Variants in PTPRK observed in about 807,000 individuals in gnomAD.
The protein encoded by PTPRK is protein tyrosine phosphatase receptor type K.
A neutral mutation model predicts 178.0 loss-of-function variants in PTPRK; 75 were observed. The ratio of observed to expected loss-of-function variants is 0.42; its 90% CI spans 0.35 to 0.51. The LOEUF (loss-of-function observed/expected upper bound fraction) is 0.51, where lower values mean the gene tolerates loss of function less well. Among genes scored for constraint, PTPRK ranks in the 20% least tolerant of loss-of-function variants. PTPRK has a pLI of 0.02. For synonymous variants in PTPRK, 637 were observed against 620.6 expected, an observed-to-expected ratio of 1.03 and a Z score of -0.39; for missense variants, 1,441 against 1,797.8, an observed-to-expected ratio of 0.80 and a Z score of 3.59.
intron 2 of PTPRK, among the ~76,000 whole-genome samples, chr6:128,390,254 A>ATATATGTGTTT (rs1839367050): frequency 6.6e-6 from 1 of 152,150 alleles, no homozygotes; most frequent in Non-Finnish European, 1.5e-5. Flanking sequence ...ACAGCAGATA[A>ATATATGTGTTT]CATATGTGTT....
Position 128,472,261 on chromosome 6 carries a change from G to A in PTPRK, c.100+47998C>T, listed in dbSNP as rs149720863. The stretch of plus-strand genomic sequence containing the variant: ...TATTTGAATAGTGCCTCAGAAGCCC[G>A]GTTGTGTTGCTTCTGTTTATTCACA... On this transcript the variant is annotated intron_variant, in intron 1 of 29. Transcript: ENST00000368226. Among the ~76,000 whole-genome samples the A allele has an allele frequency of 8.9e-4, 135 of 152,120 alleles. 2 individuals carry two copies. The East Asian group carries it at 0.021, about 24-fold the overall frequency.
Position 128,120,076 on chromosome 6 carries a change from T to C in PTPRK, c.1163-30084A>G, listed in dbSNP as rs1175504668. 8.6e-5 allele frequency among the ~76,000 whole-genome samples: 13 copies of C among 152,004 alleles called. 1 individual carries two copies. On this transcript the variant is annotated intron_variant, in intron 7 of 29. Transcript: ENST00000368226. The stretch of plus-strand genomic sequence containing the variant: ...AAAAAGTTAACTGAAAGAAATGTTG[T>C]TAACTAATTTCCCTGTAACTTTTCA...
chr6:128,372,599 C>T (rs903180538), intron 2 of PTPRK, among the ~76,000 whole-genome samples: 6 of 152,118 alleles, frequency 3.9e-5, no homozygotes, highest in African/African-American at 1.4e-4. Context: ...AAGGTCTATA[C>T]CTGTAGTTGG....
Position 127,998,716 on chromosome 6 carries a change from T to C in PTPRK, c.2679+4A>G. 6.4e-7 allele frequency: 1 copy of C among 1,553,152 alleles called. No homozygotes were observed. The highest frequency in any genetic ancestry group is 1.2e-5 in the South Asian group (1 of 83,740). ...AATTCAATACAGTATCAAAACTTATTCACCTCATATTCCTCTTTGAACCCA... is the reference window on the plus strand; with the variant it reads ...AATTCAATACAGTATCAAAACTTATCCACCTCATATTCCTCTTTGAACCCA... On this transcript the variant is annotated splice_donor_region_variant and intron_variant, in intron 16 of 29. Transcript: ENST00000368226.
intron 1 of PTPRK, among the ~76,000 whole-genome samples, chr6:128,517,379 G>C (rs1172670524): frequency 6.6e-6 from 1 of 152,146 alleles, no homozygotes; most frequent in African/African-American, 2.4e-5. Flanking sequence ...AGTCATCTAA[G>C]TCCTTCTACA....
intron 7 of PTPRK, among the ~76,000 whole-genome samples, chr6:128,118,351 A>G (rs1445340374): frequency 6.6e-6 from 1 of 152,200 alleles, no homozygotes; most frequent in African/African-American, 2.4e-5. Flanking sequence ...CTATGCATGC[A>G]CATATTTTTT....
chr6:128,181,554 T>C (rs1801908631), intron 7 of PTPRK, among the ~76,000 whole-genome samples: 1 of 152,076 alleles, frequency 6.6e-6, no homozygotes, highest in South Asian at 2.1e-4. Flanking sequence ...TTTAACAAAA[T>C]TAGATGGTAA....
At chr6:128,067,407 C>A in intron 12 of PTPRK, 112 bp downstream of exon 12, 2 of 1,244,034 alleles carry the variant, frequency 1.6e-6, no homozygotes, top group South Asian at 4.0e-5. Context: ...CCCCTACATG[C>A]AAATTTTCTT....
At chr6:128,261,061 T>C (rs1023749343) in intron 3 of PTPRK, among the ~76,000 whole-genome samples, 5 of 152,198 alleles carry the variant, frequency 3.3e-5, no homozygotes, top group Non-Finnish European at 7.3e-5. Context: ...TCTGTCAATC[T>C]ATCAAGCCTC....
chr6:128,152,150 C>G (rs1797340168), intron 7 of PTPRK, among the ~76,000 whole-genome samples: 1 of 151,948 alleles, frequency 6.6e-6, no homozygotes, highest in African/African-American at 2.4e-5. Context: ...AGGAAAGAAA[C>G]AGTAATCGTG....
intron 11 of PTPRK, among the ~76,000 whole-genome samples, chr6:128,068,359 C>G (rs543422551): frequency 6.6e-6 from 1 of 152,100 alleles, no homozygotes; most frequent in East Asian, 1.9e-4. Flanking sequence ...AAGTGACATG[C>G]GGCAATACGG....
chr6:128,083,738 T>C lies in PTPRK; in HGVS notation c.1552A>G (p.Asn518Asp), dbSNP rs768418509. 2 of 1,600,836 alleles carry C rather than the reference T, an allele frequency of 1.2e-6. No homozygotes were observed. Among genetic ancestry groups the C allele is most frequent in the Admixed American group, 1.7e-5 (1 of 59,280 alleles). The change falls in exon 9 of 30, where the codon AAT becomes GAT. Residue 518 changes from asparagine (N) to aspartate (D), a missense_variant. Physicochemically the swap from Asn to Asp is conservative, Grantham distance 23. This residue lies in a region of PTPRK where 945 missense variants were observed against 1,080.6 expected (regional missense o/e 0.87). Transcript: ENST00000368226. ...FLNWKEPLDPNGIITQYEISY... is the reference protein window; with the variant it reads ...FLNWKEPLDPDGIITQYEISY... ...ACCTCATATTGAGTGATGATTCCAT[T>C]TGGATCCAAAGGTTCTTTCCAGTTC...
At chr6:128,023,218 A>G (rs542378987) in intron 13 of PTPRK, among the ~76,000 whole-genome samples, 13 of 152,328 alleles carry the variant, frequency 8.5e-5, no homozygotes, top group African/African-American at 3.1e-4. Flanking sequence ...GACTATTAAC[A>G]GTTTTCCCCA....
intron 3 of PTPRK, among the ~76,000 whole-genome samples, chr6:128,269,766 G>T (rs530651246): frequency 6.6e-6 from 1 of 151,816 alleles, no homozygotes; most frequent in Non-Finnish European, 1.5e-5. Context: ...ATTTTAATAT[G>T]AAAAAAAGGA....
intron 1 of PTPRK, among the ~76,000 whole-genome samples, chr6:128,398,781 C>CTTTCACCG (rs1840666714): frequency 2.0e-5 from 3 of 152,142 alleles, no homozygotes; most frequent in Non-Finnish European, 4.4e-5. Context: ...CCTATAATCA[C>CTTTCACCG]TTTCACCGTT....
intron 1 of PTPRK, among the ~76,000 whole-genome samples, chr6:128,439,260 G>C (rs769151812): frequency 2.6e-5 from 4 of 152,142 alleles, no homozygotes; most frequent in Non-Finnish European, 5.9e-5. Flanking sequence ...GGGGGGCTAT[G>C]AATGAGCACG....
intron 1 of PTPRK, among the ~76,000 whole-genome samples, chr6:128,448,412 G>A (rs957164645): frequency 1.3e-5 from 2 of 152,126 alleles, no homozygotes; most frequent in Non-Finnish European, 2.9e-5. Flanking sequence ...AAGCTGAGCT[G>A]TAACCAAGTT....
chr6:128,086,317 G>A (rs949099768), intron 8 of PTPRK, among the ~76,000 whole-genome samples: 3 of 152,062 alleles, frequency 2.0e-5, no homozygotes, highest in Non-Finnish European at 4.4e-5. Flanking sequence ...TCAAAAATAT[G>A]TCCCCAAACC....
At chr6:128,397,777 T>C (rs1011378398) in intron 1 of PTPRK, 89 bp from the exon 2 acceptor site, 6 of 1,267,830 alleles carry the variant, frequency 4.7e-6, no homozygotes, top group South Asian at 1.4e-5. Flanking sequence ...TATTGATATA[T>C]ATAATGTTAC....
Sources: gnomAD v4.1 joint callset for allele counts (sites outside exome capture counted in the v4.1 genomes callset) on GRCh38, gnomAD v4.1.1 for gene constraint, gnomAD v4.1.1 regional missense constraint, MANE v1.5 for transcripts, NCBI Gene and HGNC (gene_info 2026-07-23, HGNC 2026-07-21) for gene names.